Variants in NAA50 observed in about 807,000 individuals in gnomAD.
NAA50 encodes the protein N-alpha-acetyltransferase 50.
NAA50 carries 7 observed loss-of-function variants against 20.7 expected under a neutral mutation model. That is an observed-to-expected ratio of 0.34 (90% CI 0.19 to 0.63). The LOEUF is 0.63. Among genes scored for constraint, NAA50 ranks in the 30% least tolerant of loss-of-function variants. NAA50 has a pLI of 0.75. For missense variants in NAA50, 111 were observed against 199.1 expected (o/e 0.56, Z 2.66); for synonymous variants, 54 against 70.6 (o/e 0.77, Z 1.18).
intron 1 of NAA50, among the ~76,000 whole-genome samples, chr3:113,728,420 T>C (rs7649590): frequency 0.39 from 58,570 of 151,752 alleles, 11,510 homozygotes; most frequent in African/African-American, 0.48. Context: ...TAACAGTGTA[T>C]GTACATATAG....
chr3:113,731,061 G>A (rs1237381655), intron 1 of NAA50, among the ~76,000 whole-genome samples: 1 of 152,124 alleles, frequency 6.6e-6, no homozygotes, highest in Admixed American at 6.6e-5. Context: ...ATTTATTGTG[G>A]TTTTTAATTT....
chr3:113,739,632 C>A (rs1175778870), intron 1 of NAA50: 1 of 152,200 alleles, frequency 6.6e-6, no homozygotes, highest in East Asian at 1.9e-4. Flanking sequence ...ATTATCTCTT[C>A]CCTACCCTTT....
At chr3:113,743,965 G>A (rs1708455975) in intron 1 of NAA50, among the ~76,000 whole-genome samples, 1 of 152,156 alleles carries the variant, frequency 6.6e-6, no homozygotes, top group Non-Finnish European at 1.5e-5. Context: ...GAACATCACA[G>A]CCTATGGAGA....
intron 1 of NAA50, among the ~76,000 whole-genome samples, chr3:113,738,957 T>C (rs2107994078): frequency 6.6e-6 from 1 of 152,272 alleles, no homozygotes; most frequent in African/African-American, 2.4e-5. Context: ...TCATCTTTGT[T>C]TTACAATTTG....
chr3:113,740,846 C>T (rs1389872047), intron 1 of NAA50: 1 of 280,846 alleles, frequency 3.6e-6, no homozygotes, highest in Non-Finnish European at 7.2e-6. Context: ...GCTTCTGTTT[C>T]TATGTTTACT....
At chr3:113,726,324 T>C (rs150562540) in intron 1 of NAA50, among the ~76,000 whole-genome samples, 2 of 152,304 alleles carry the variant, frequency 1.3e-5, no homozygotes, top group East Asian at 1.9e-4. Flanking sequence ...TTAAGTATAG[T>C]CTTTTCTCAT....
intron 1 of NAA50, among the ~76,000 whole-genome samples, chr3:113,743,523 G>C (rs141256241): frequency 6.6e-6 from 1 of 152,116 alleles, no homozygotes; most frequent in Non-Finnish European, 1.5e-5. Flanking sequence ...TACTGTTGTA[G>C]GTTCAGTATC....
chr3:113,716,652 A>T lies in NAA50; in HGVS notation c.*5108T>A, dbSNP rs1353778896. On this transcript the variant is annotated 3_prime_UTR_variant, in exon 5 of 5. Transcript: ENST00000240922. ...CAGATGTCCTACGAAAGCTACAGTG[A>T]TTCAACATGTGCTTTAATTTATACT... is the stretch of plus-strand genomic sequence containing the variant. 6.6e-6 allele frequency: 1 copy of T among 152,268 alleles called. No individual in the cohort carries two copies. The highest frequency in any genetic ancestry group is 1.9e-4 in the East Asian group (1 of 5,204). The allele number at this position is 152,268 out of a possible 1,614,324, so 9.4% of individuals were successfully genotyped here.
At chr3:113,745,595 C>A in intron 1 of NAA50, 3 of 323,916 alleles carry the variant, frequency 9.3e-6, no homozygotes, top group Non-Finnish European at 1.7e-5. Context: ...GAGCTGCGGG[C>A]CGGCGTGGCT....
rs553895353 is a variant in NAA50, at chr3:113,745,951, T to C, written c.-2A>G. ...GGCTGCCCTTCCTCACCCTTTCATC[T>C]TCCCCGCCTGCTGAGGCCGTCGTTA... On this transcript the variant is annotated 5_prime_UTR_variant, in exon 1 of 5. Coordinates refer to ENST00000240922, the MANE Select transcript of NAA50 (RefSeq NM_025146.4). The C allele has an allele frequency of 1.9e-6, 3 of 1,606,128 alleles. No homozygotes were observed. Among genetic ancestry groups the C allele is most frequent in the African/African-American group, 2.7e-5 (2 of 74,948 alleles).
chr3:113,736,672 C>T (rs1307826252), intron 1 of NAA50, among the ~76,000 whole-genome samples: 1 of 151,982 alleles, frequency 6.6e-6, no homozygotes, highest in East Asian at 1.9e-4. Flanking sequence ...GGATATGACT[C>T]CACAAAAGTG....
chr3:113,745,033 T>C (rs1577075038), intron 1 of NAA50, among the ~76,000 whole-genome samples: 1 of 152,226 alleles, frequency 6.6e-6, no homozygotes, highest in Admixed American at 6.5e-5. Context: ...ATGAGCTTCA[T>C]CTCTTTGAGG....
chr3:113,724,301 T>C (rs189944471), intron 1 of NAA50, among the ~76,000 whole-genome samples: 1 of 152,290 alleles, frequency 6.6e-6, no homozygotes, highest in African/African-American at 2.4e-5. Flanking sequence ...ATTACATACA[T>C]TCAGGGACAA....
chr3:113,723,626 C>G, intron 2 of NAA50, 85 bp from the exon 3 acceptor site: 1 of 1,345,408 alleles, frequency 7.4e-7, no homozygotes, highest in East Asian at 2.3e-5. Flanking sequence ...CTACACTGTT[C>G]CTATCAACAT....
intron 1 of NAA50, among the ~76,000 whole-genome samples, chr3:113,726,599 C>T (rs1186183478): frequency 6.6e-6 from 1 of 151,884 alleles, no homozygotes. Flanking sequence ...CAAAAATTAG[C>T]CCGGTGTGGT....
chr3:113,730,910 A>T (rs759189155), intron 1 of NAA50, among the ~76,000 whole-genome samples: 1 of 152,230 alleles, frequency 6.6e-6, no homozygotes, highest in Non-Finnish European at 1.5e-5. Context: ...TGGTATGAAC[A>T]TAAGTTCTTA....
chr3:113,723,892 A>G lies in NAA50; in HGVS notation c.145+67T>C, dbSNP rs1206811997. 3 of 1,433,760 alleles carry G rather than the reference A, an allele frequency of 2.1e-6. No individual in the cohort carries two copies. In the East Asian group the frequency reaches 7.2e-5, roughly 34 times the overall value. The allele number at this position is 1,433,760 out of a possible 1,614,324, so 88.8% of individuals were successfully genotyped here. A position where few individuals can be genotyped will look rare whatever the true frequency, so the allele number is the denominator to read the frequency against. ...AATTAGTTAACTTCTTCTGCTCTATAAAAAACTAGGGTTCAAGAACAAAAA... is the reference window on the plus strand; with the variant it reads ...AATTAGTTAACTTCTTCTGCTCTATGAAAAACTAGGGTTCAAGAACAAAAA... On this transcript the variant is annotated intron_variant, in intron 2 of 4. Transcript: ENST00000240922.
In NAA50 at chr3:113,746,077, G is replaced by T; in HGVS notation, c.-128C>A. Reference sequence around the variant, plus strand: ...GCCGGCCTCCTAGCCTGGGCAGGGAGCTGTGCGAGCAACGAAGGCCGCGAG... The same window carrying T: ...GCCGGCCTCCTAGCCTGGGCAGGGATCTGTGCGAGCAACGAAGGCCGCGAG... On this transcript the variant is annotated 5_prime_UTR_variant, in exon 1 of 5. Coordinates refer to ENST00000240922, the MANE Select transcript of NAA50 (RefSeq NM_025146.4). 7.7e-7 allele frequency: 1 copy of T among 1,297,504 alleles called. No individual in the cohort carries two copies. The highest frequency in any genetic ancestry group is 1.1e-6 in the Non-Finnish European group (1 of 947,064). 80.4% of individuals were successfully genotyped at this position (1,297,504 alleles called of 1,614,324 possible). A position where few individuals can be genotyped will look rare whatever the true frequency, so the allele number is the denominator to read the frequency against.
Position 113,741,959 on chromosome 3 carries a change from T to C in NAA50, c.8+3983A>G, listed in dbSNP as rs552848416. 1.3e-4 allele frequency among the ~76,000 whole-genome samples: 20 copies of C among 152,294 alleles called. No individual in the cohort carries two copies. The South Asian group carries it at 2.7e-3, about 20-fold the overall frequency. On this transcript the variant is annotated intron_variant, in intron 1 of 4. Transcript: ENST00000240922. ...TGTGCCACATCATTAAATACTGAAA[T>C]AAATTTTATTATAAATTACTTCCCT...
Sources: allele counts gnomAD v4.1 joint callset (sites outside exome capture counted in the v4.1 genomes callset), GRCh38; gene constraint gnomAD v4.1.1; transcripts MANE v1.5; gene names NCBI Gene and HGNC (gene_info 2026-07-23, HGNC 2026-07-21).